PALM2AKAP2: variants seen among roughly 807,000 people sequenced by gnomAD.
PALM2AKAP2 encodes the protein PALM2 and AKAP2 fusion, also known as PALM2-AKAP2 fusion protein.
PALM2AKAP2 carries 37 observed loss-of-function variants against 71.5 expected under a neutral mutation model. The ratio of observed to expected loss-of-function variants is 0.52; its 90% CI spans 0.40 to 0.68. The LOEUF is 0.68. PALM2AKAP2 is among the 30% of genes least tolerant of loss of function. The pLI is 0.00. For missense variants in PALM2AKAP2, 1,224 were observed against 1,191.8 expected (o/e 1.03, Z -0.40); for synonymous variants, 468 against 478.8 (o/e 0.98, Z 0.29).
chr9:110,132,133 C>T (rs1363037561), intron 1 of PALM2AKAP2, among the ~76,000 whole-genome samples: 1 of 151,914 alleles, frequency 6.6e-6, no homozygotes, highest in African/African-American at 2.4e-5. Context: ...CTCACTGCAA[C>T]TTCCTCCTCC....
At chr9:109,697,462 A>T (rs1024283990) in intron 1 of PALM2AKAP2, among the ~76,000 whole-genome samples, 1 of 152,194 alleles carries the variant, frequency 6.6e-6, no homozygotes, top group Non-Finnish European at 1.5e-5. Context: ...TACCTTTTAA[A>T]TATTCTACTA....
At chr9:110,000,338 C>T (rs1337479949) in intron 6 of PALM2AKAP2, among the ~76,000 whole-genome samples, 1 of 152,056 alleles carries the variant, frequency 6.6e-6, no homozygotes, top group Non-Finnish European at 1.5e-5. Context: ...AAAAGGACAT[C>T]AACTCATCAT....
chr9:109,962,111 C>T (rs937128697), intron 6 of PALM2AKAP2, among the ~76,000 whole-genome samples: 5 of 152,220 alleles, frequency 3.3e-5, no homozygotes, highest in African/African-American at 1.2e-4. Context: ...CGAGACTGTG[C>T]AGGTGCTGCC....
intron 1 of PALM2AKAP2, among the ~76,000 whole-genome samples, chr9:110,096,926 CTT>C (rs1834855320): frequency 7.4e-6 from 1 of 136,022 alleles, no homozygotes; most frequent in Admixed American, 7.6e-5. Flanking sequence ...ACAGAATTTT[CTT>C]TTTATTTATT....
intron 1 of PALM2AKAP2, among the ~76,000 whole-genome samples, chr9:109,851,031 G>A (rs992676314): frequency 6.6e-6 from 1 of 152,094 alleles, no homozygotes; most frequent in Non-Finnish European, 1.5e-5. Context: ...CAAAAAATTA[G>A]CCAGGCATGG....
intron 1 of PALM2AKAP2, among the ~76,000 whole-genome samples, chr9:109,709,891 T>C (rs564899958): frequency 3.9e-5 from 6 of 152,316 alleles, no homozygotes; most frequent in African/African-American, 1.4e-4. Context: ...CTACTACCTG[T>C]GAATATGATC....
intron 2 of PALM2AKAP2, among the ~76,000 whole-genome samples, chr9:110,141,263 G>A (rs2119131483): frequency 6.6e-6 from 1 of 152,216 alleles, no homozygotes; most frequent in South Asian, 2.1e-4. Flanking sequence ...TGCTAATGCT[G>A]ATCTCTTCTC....
At chr9:109,996,683 C>G (rs1832581304) in intron 6 of PALM2AKAP2, among the ~76,000 whole-genome samples, 1 of 152,244 alleles carries the variant, frequency 6.6e-6, no homozygotes, top group Non-Finnish European at 1.5e-5. Context: ...CAGAGAAAAG[C>G]TCTTTTCTCC....
Position 109,865,909 on chromosome 9 carries a change from T to C in PALM2AKAP2, c.46-1582T>C, listed in dbSNP as rs550376691. Among the ~76,000 whole-genome samples the C allele has an allele frequency of 2.0e-5, 3 of 152,354 alleles. No individual in the cohort carries two copies. In the South Asian group the frequency reaches 6.2e-4, roughly 32 times the overall value. ...GATGGTGGATGTGGGCTGTTCCCAC[T>C]GTGCCTCACTTTTCCCATCCACTGT... On this transcript the variant is annotated intron_variant, in intron 1 of 9. Coordinates refer to the PALM2AKAP2 transcript ENST00000302798.
chr9:109,755,159 T>C (rs1347992237), intron 1 of PALM2AKAP2, among the ~76,000 whole-genome samples: 1 of 152,054 alleles, frequency 6.6e-6, no homozygotes, highest in Non-Finnish European at 1.5e-5. Context: ...CACTCCCACA[T>C]ACGTAGCAGC....
chr9:110,004,065 T>C (rs1423774799), intron 6 of PALM2AKAP2, among the ~76,000 whole-genome samples: 1 of 152,216 alleles, frequency 6.6e-6, no homozygotes, highest in Non-Finnish European at 1.5e-5. Flanking sequence ...AATTTGATCC[T>C]GTCATTATGA....
Position 109,942,106 on chromosome 9 carries a change from T to G in PALM2AKAP2, c.496+10078T>G, listed in dbSNP as rs144526707. ...TTAGTTCTTATTTTAGGTACCTAGT[T>G]TAGTGACTGAAGTACTCACAGGGCA... On this transcript the variant is annotated intron_variant, in intron 6 of 9. Coordinates refer to the PALM2AKAP2 transcript ENST00000302798. 4.1e-3 allele frequency among the ~76,000 whole-genome samples: 620 copies of G among 152,302 alleles called. 8 individuals are homozygous for G. Among genetic ancestry groups the G allele is most frequent in the East Asian group, 0.03 (154 of 5,188 alleles).
chr9:109,784,373 A>C (rs934276242), intron 1 of PALM2AKAP2, among the ~76,000 whole-genome samples: 3 of 152,216 alleles, frequency 2.0e-5, no homozygotes, highest in East Asian at 3.8e-4. Flanking sequence ...CCCCAAAAAG[A>C]AGACATTAGA....
At chr9:109,922,119 T>A (rs894995785) in intron 3 of PALM2AKAP2, among the ~76,000 whole-genome samples, 6 of 151,734 alleles carry the variant, frequency 4.0e-5, no homozygotes, top group Middle Eastern at 3.4e-3. Context: ...CGAGAGCAGA[T>A]TAAAAGATGG....
intron 1 of PALM2AKAP2, among the ~76,000 whole-genome samples, chr9:109,693,430 T>G (rs572243882): frequency 6.6e-6 from 1 of 152,076 alleles, no homozygotes; most frequent in African/African-American, 2.4e-5. Flanking sequence ...CTTTATTTTT[T>G]CTTGGTTTTT....
chr9:110,101,550 T>C (rs1835000871), intron 1 of PALM2AKAP2, among the ~76,000 whole-genome samples: 1 of 151,934 alleles, frequency 6.6e-6, no homozygotes, highest in Non-Finnish European at 1.5e-5. Flanking sequence ...GTTAGGGAAA[T>C]GTATCAGCGC....
chr9:109,980,113 G>A (rs568318678), intron 6 of PALM2AKAP2, among the ~76,000 whole-genome samples: 3 of 152,256 alleles, frequency 2.0e-5, no homozygotes, highest in African/African-American at 7.2e-5. Flanking sequence ...TGTGCCCATA[G>A]TAGGCCACTC....
rs187964772 is a variant in PALM2AKAP2 at position 109,879,567 on chromosome 9, T to C, written c.127-984T>C. Reference sequence around the variant, plus strand: ...CTCTTCCTTTTAGGGAATTTCAACATGCTTTTTTCTGGAACTGTTTTCATT... The same window carrying C: ...CTCTTCCTTTTAGGGAATTTCAACACGCTTTTTTCTGGAACTGTTTTCATT... On this transcript the variant is annotated intron_variant, in intron 2 of 9. Coordinates refer to the PALM2AKAP2 transcript ENST00000302798. 2.0e-5 allele frequency among the ~76,000 whole-genome samples: 3 copies of C among 152,350 alleles called. No individual in the cohort carries two copies. The East Asian group carries it at 5.8e-4, about 29-fold the overall frequency.
chr9:109,779,768 C>T (rs1338824193), upstream of PALM2AKAP2, among the ~76,000 whole-genome samples: 1 of 152,200 alleles, frequency 6.6e-6, no homozygotes, highest in Non-Finnish European at 1.5e-5. Flanking sequence ...CAGCCCTTCC[C>T]AAATTGTAAA....
Sources: allele counts gnomAD v4.1 joint callset (sites outside exome capture counted in the v4.1 genomes callset), GRCh38; gene constraint gnomAD v4.1.1; transcripts MANE v1.5; gene names NCBI Gene and HGNC (gene_info 2026-07-23, HGNC 2026-07-21).